ALMS1: variants seen among roughly 807,000 people sequenced by gnomAD.
ALMS1 encodes centrosome-associated protein ALMS1.
In ALMS1, 271 loss-of-function variants were observed where a neutral mutation model predicts 352.2. The ratio of observed to expected loss-of-function variants is 0.77; its 90% CI spans 0.70 to 0.85. The LOEUF (loss-of-function observed/expected upper bound fraction) is 0.85. Ranked by LOEUF, ALMS1 falls within the 40% of genes least tolerant of loss-of-function variation. ALMS1 has a pLI of 0.00. For synonymous variants in ALMS1, 1,865 were observed against 1,761.2 expected, an observed-to-expected ratio of 1.06 and a Z score of -1.48; for missense variants, 5,445 against 4,870.7, an observed-to-expected ratio of 1.12 and a Z score of -3.51.
rs1186689017 is a variant in ALMS1 at position 73,491,623 on chromosome 2, G to T, written c.9539+125G>T. On this transcript the variant is annotated intron_variant, in intron 10 of 22. Transcript: ENST00000613296. Reference sequence around the variant, plus strand: ...TTTCTCTGAGTGGAGGTTGTGTCTGGCTAATTACTAGAAGTCTTTCAAGGA... The same window carrying T: ...TTTCTCTGAGTGGAGGTTGTGTCTGTCTAATTACTAGAAGTCTTTCAAGGA... The T allele has an allele frequency of 3.0e-6, 3 of 1,011,006 alleles. No homozygotes were observed. In the African/African-American group the frequency reaches 4.8e-5, roughly 16 times the overall value. The allele number at this position is 1,011,006 out of a possible 1,614,324, so 62.6% of individuals were successfully genotyped here.
intron 10 of ALMS1, among the ~76,000 whole-genome samples, chr2:73,499,482 G>T (rs547219006): frequency 6.6e-6 from 1 of 152,180 alleles, no homozygotes; most frequent in Admixed American, 6.5e-5. Context: ...TTCATGATTT[G>T]AGGTCTTAGG....
intron 15 of ALMS1, among the ~76,000 whole-genome samples, chr2:73,560,764 CTACA>C (rs774821280): frequency 2.6e-5 from 4 of 152,208 alleles, no homozygotes; most frequent in Non-Finnish European, 5.9e-5. Context: ...CTATCACATA[CTACA>C]AGGTAGGTGA....
At chr2:73,432,832 C>T (rs2103736076) in intron 7 of ALMS1, among the ~76,000 whole-genome samples, 1 of 152,292 alleles carries the variant, frequency 6.6e-6, no homozygotes, top group Non-Finnish European at 1.5e-5. Context: ...TTTGGTTTTT[C>T]ATCGCATTCT....
chr2:73,485,231 G>T (rs1672806035), intron 9 of ALMS1, among the ~76,000 whole-genome samples: 1 of 152,164 alleles, frequency 6.6e-6, no homozygotes, highest in South Asian at 2.1e-4. Context: ...CTTTGATGAT[G>T]GTGATGTACA....
intron 11 of ALMS1, among the ~76,000 whole-genome samples, chr2:73,522,565 G>A (rs1194703229): frequency 6.7e-6 from 1 of 149,060 alleles, no homozygotes; most frequent in Non-Finnish European, 1.5e-5. Context: ...CATCTTCCGG[G>A]TTCAAGGATT....
chr2:73,473,497 T>C (rs575939005), intron 9 of ALMS1, among the ~76,000 whole-genome samples: 4 of 152,050 alleles, frequency 2.6e-5, no homozygotes, highest in African/African-American at 9.6e-5. Context: ...TATGTCCAGT[T>C]TTCAACAAAT....
chr2:73,483,269 T>A (rs1221755840), intron 9 of ALMS1, among the ~76,000 whole-genome samples: 2 of 151,716 alleles, frequency 1.3e-5, no homozygotes, highest in African/African-American at 2.4e-5. Context: ...TCTGGTATGT[T>A]GTGTCTTTGT....
chr2:73,507,511 A>G (rs1673353172), intron 10 of ALMS1, among the ~76,000 whole-genome samples: 1 of 152,100 alleles, frequency 6.6e-6, no homozygotes, highest in African/African-American at 2.4e-5. Flanking sequence ...GGGAGGGTGT[A>G]TGTGTCGAGG....
chr2:73,599,282 C>T, intron 16 of ALMS1, 119 bp from the exon 17 acceptor site: 1 of 1,335,122 alleles, frequency 7.5e-7, no homozygotes, highest in African/African-American at 1.4e-5. Context: ...AAGCTTCCTC[C>T]AAATGCATCT....
At chr2:73,495,714 A>G (rs1673090426) in intron 10 of ALMS1, among the ~76,000 whole-genome samples, 1 of 152,116 alleles carries the variant, frequency 6.6e-6, no homozygotes, top group Non-Finnish European at 1.5e-5. Context: ...TGTATCTTTT[A>G]ACGTGTGTGT....
At chr2:73,435,987 A>G (rs1010614020) in intron 7 of ALMS1, among the ~76,000 whole-genome samples, 2 of 152,206 alleles carry the variant, frequency 1.3e-5, no homozygotes, top group African/African-American at 4.8e-5. Context: ...TATTTTTACT[A>G]GCACTATTTG....
At chr2:73,602,051 C>T (rs1396398907) in intron 19 of ALMS1, 134 bp from the exon 20 acceptor site, 36 of 931,412 alleles carry the variant, frequency 3.9e-5, no homozygotes, top group African/African-American at 1.0e-4. Flanking sequence ...GATTCTTCAA[C>T]GCTAGATACT....
At chr2:73,604,251 T>C (rs1463319214) in intron 21 of ALMS1, among the ~76,000 whole-genome samples, 1 of 152,128 alleles carries the variant, frequency 6.6e-6, no homozygotes, top group Non-Finnish European at 1.5e-5. Flanking sequence ...TTCATTTGAG[T>C]GTTGAATGTG....
At chr2:73,604,894 G>A (rs183726064) in intron 21 of ALMS1, among the ~76,000 whole-genome samples, 46 of 152,100 alleles carry the variant, frequency 3.0e-4, no homozygotes, top group Middle Eastern at 6.8e-3. Flanking sequence ...TAGTAGTCTA[G>A]TAGGCATTGT....
intron 1 of ALMS1, among the ~76,000 whole-genome samples, chr2:73,398,517 T>C (rs759309679): frequency 6.6e-6 from 1 of 152,204 alleles, no homozygotes; most frequent in Non-Finnish European, 1.5e-5. Context: ...TGCGTTGATC[T>C]TAATAGATCA....
At chr2:73,587,304 G>T (rs554568208) in intron 16 of ALMS1, among the ~76,000 whole-genome samples, 80 of 152,140 alleles carry the variant, frequency 5.3e-4, no homozygotes, top group Non-Finnish European at 6.8e-4. Flanking sequence ...CTAGGACTTC[G>T]AGTACAGTGT....
At chr2:73,589,222 C>T (rs536569590) in intron 16 of ALMS1, among the ~76,000 whole-genome samples, 7 of 105,730 alleles carry the variant, frequency 6.6e-5, no homozygotes, top group African/African-American at 5.1e-4. Context: ...TTGATAAACA[C>T]AAAAAGTTAT....
intron 16 of ALMS1, among the ~76,000 whole-genome samples, chr2:73,586,865 T>C (rs1215088091): frequency 2.0e-5 from 3 of 152,250 alleles, no homozygotes; most frequent in Non-Finnish European, 2.9e-5. Flanking sequence ...CAATATTAAT[T>C]CTAGCCATCC....
chr2:73,421,347 T>C (rs1332393197), intron 3 of ALMS1, among the ~76,000 whole-genome samples: 1 of 152,158 alleles, frequency 6.6e-6, no homozygotes, highest in East Asian at 1.9e-4. Context: ...CTGGAAATAG[T>C]AAATTTGCTT....
Sources: allele counts gnomAD v4.1 joint callset (sites outside exome capture counted in the v4.1 genomes callset), GRCh38; gene constraint gnomAD v4.1.1; transcripts MANE v1.5; gene names NCBI Gene and HGNC (gene_info 2026-07-23, HGNC 2026-07-21).